Variants in CCSER1 observed in about 807,000 individuals in gnomAD.
CCSER1 encodes serine-rich coiled-coil domain-containing protein 1.
In CCSER1, 41 loss-of-function variants were observed where a neutral mutation model predicts 82.0. The ratio of observed to expected loss-of-function variants is 0.50; its 90% CI spans 0.39 to 0.65. The LOEUF is 0.65. Among genes scored for constraint, CCSER1 ranks in the 30% least tolerant of loss-of-function variants. CCSER1 has a pLI of 0.00. For missense variants in CCSER1, 1,119 were observed against 1,064.2 expected (o/e 1.05, Z -0.72); for synonymous variants, 414 against 383.9 (o/e 1.08, Z -0.92).
intron 5 of CCSER1, among the ~76,000 whole-genome samples, chr4:90,541,396 T>C (rs930052933): frequency 3.9e-5 from 6 of 152,098 alleles, no homozygotes; most frequent in Non-Finnish European, 8.8e-5. Context: ...TGCTACAAGA[T>C]ACTGAGAAAA....
rs554642136 is a variant in CCSER1 at position 90,326,260 on chromosome 4, C to T, written c.1509+13213C>T. Among the ~76,000 whole-genome samples the T allele has an allele frequency of 2.0e-5, 3 of 152,106 alleles. No homozygotes were observed. The East Asian group carries it at 5.8e-4, about 29-fold the overall frequency. ...TATTTTTAGTAGAGACGGGGTTTCA[C>T]TGTGTTAGCCAAGGTGGTCTCCATC... On this transcript the variant is annotated intron_variant, in intron 3 of 10. Coordinates refer to ENST00000509176, the MANE Select transcript of CCSER1 (RefSeq NM_001145065.2).
chr4:91,543,483 G>T (rs1454353752), intron 10 of CCSER1, among the ~76,000 whole-genome samples: 2 of 152,128 alleles, frequency 1.3e-5, no homozygotes, highest in Non-Finnish European at 2.9e-5. Flanking sequence ...AGGAGCTCTT[G>T]TAAGGCTGGC....
At chr4:91,206,544 A>G (rs1018034069) in intron 10 of CCSER1, among the ~76,000 whole-genome samples, 1 of 151,942 alleles carries the variant, frequency 6.6e-6, no homozygotes, top group Non-Finnish European at 1.5e-5. Flanking sequence ...ACAACAATAT[A>G]GAGAAGGCCT....
chr4:91,409,168 C>T (rs1752879582), intron 10 of CCSER1, among the ~76,000 whole-genome samples: 1 of 152,162 alleles, frequency 6.6e-6, no homozygotes, highest in Non-Finnish European at 1.5e-5. Context: ...TAGACCTTTT[C>T]CCCTATCTCA....
chr4:91,595,833 TA>T (rs1267754628), intron 10 of CCSER1, among the ~76,000 whole-genome samples: 9 of 148,802 alleles, frequency 6.0e-5, no homozygotes, highest in Non-Finnish European at 1.3e-4. Flanking sequence ...ATCACAAGAA[TA>T]AATGAATTCA....
chr4:90,180,584 G>A (rs907082387), intron 1 of CCSER1, among the ~76,000 whole-genome samples: 3 of 151,148 alleles, frequency 2.0e-5, no homozygotes, highest in African/African-American at 7.3e-5. Flanking sequence ...GCAAGACTCT[G>A]TCTCAAAAAA....
At chr4:90,295,690 A>G (rs1731753352) in intron 1 of CCSER1, among the ~76,000 whole-genome samples, 1 of 152,016 alleles carries the variant, frequency 6.6e-6, no homozygotes, top group Non-Finnish European at 1.5e-5. Flanking sequence ...TCCAGATATT[A>G]ATTATCTGAC....
At chr4:90,356,684 A>G (rs1744425362) in intron 3 of CCSER1, among the ~76,000 whole-genome samples, 1 of 151,868 alleles carries the variant, frequency 6.6e-6, no homozygotes, top group African/African-American at 2.4e-5. Flanking sequence ...TTTTTGTTGC[A>G]TTTTAATATT....
chr4:91,195,410 G>C (rs1735327237), intron 10 of CCSER1, among the ~76,000 whole-genome samples: 1 of 152,178 alleles, frequency 6.6e-6, no homozygotes, highest in African/African-American at 2.4e-5. Context: ...TGGATTAAGA[G>C]ACCTGTTAGG....
chr4:91,466,458 C>T (rs542116198), intron 10 of CCSER1, among the ~76,000 whole-genome samples: 32 of 152,154 alleles, frequency 2.1e-4, no homozygotes, highest in African/African-American at 9.7e-5. Flanking sequence ...CAGGGATGCC[C>T]TCTCTCACCA....
chr4:91,563,691 C>T (rs1216703674), intron 10 of CCSER1, among the ~76,000 whole-genome samples: 1 of 151,658 alleles, frequency 6.6e-6, no homozygotes, highest in Non-Finnish European at 1.5e-5. Context: ...TACTTGACAT[C>T]GTAACCAGAG....
intron 10 of CCSER1, among the ~76,000 whole-genome samples, chr4:91,143,865 G>A (rs1729281383): frequency 6.6e-6 from 1 of 151,974 alleles, no homozygotes. Flanking sequence ...TGTGCTGCTG[G>A]GTTTGGCTTG....
intron 7 of CCSER1, among the ~76,000 whole-genome samples, chr4:90,767,150 C>A (rs1217197990): frequency 6.6e-6 from 1 of 152,136 alleles, no homozygotes; most frequent in African/African-American, 2.4e-5. Flanking sequence ...CGGCTTGATT[C>A]CATAGAAGGA....
chr4:91,114,936 G>A (rs1208570391), intron 10 of CCSER1, among the ~76,000 whole-genome samples: 2 of 152,090 alleles, frequency 1.3e-5, no homozygotes, highest in Non-Finnish European at 2.9e-5. Flanking sequence ...CATGGAAACA[G>A]TTTATCTCCT....
chr4:91,514,467 G>A (rs529903449), intron 10 of CCSER1, among the ~76,000 whole-genome samples: 3 of 152,126 alleles, frequency 2.0e-5, no homozygotes, highest in African/African-American at 7.2e-5. Context: ...TGTCTGTTAG[G>A]TTGATCAAGT....
intron 10 of CCSER1, among the ~76,000 whole-genome samples, chr4:91,259,408 G>T (rs1581857990): frequency 6.6e-6 from 1 of 151,908 alleles, no homozygotes; most frequent in South Asian, 2.1e-4. Flanking sequence ...ATCATGAAAG[G>T]ATATCAACTC....
At chr4:91,204,648 T>G (rs1736198562) in intron 10 of CCSER1, among the ~76,000 whole-genome samples, 1 of 151,764 alleles carries the variant, frequency 6.6e-6, no homozygotes, top group East Asian at 1.9e-4. Context: ...TGAAAAAAAA[T>G]CACTATTTTA....
chr4:91,487,106 C>T (rs1758263573), intron 10 of CCSER1, among the ~76,000 whole-genome samples: 1 of 152,022 alleles, frequency 6.6e-6, no homozygotes, highest in South Asian at 2.1e-4. Context: ...AGCACAGCTT[C>T]TTACAAAATA....
intron 10 of CCSER1, among the ~76,000 whole-genome samples, chr4:91,590,792 CAGA>C (rs1023707579): frequency 1.3e-5 from 2 of 151,816 alleles, no homozygotes; most frequent in Non-Finnish European, 2.9e-5. Context: ...TATAAGGGCC[CAGA>C]AGAATGCCTG....
Sources: allele counts gnomAD v4.1 joint callset (sites outside exome capture counted in the v4.1 genomes callset), GRCh38; gene constraint gnomAD v4.1.1; transcripts MANE v1.5; gene names NCBI Gene and HGNC (gene_info 2026-07-23, HGNC 2026-07-21).